The following ITGA8 variants were observed in gnomAD, a reference collection of about 807,000 sequenced individuals.
ITGA8 encodes the protein integrin alpha-8.
ITGA8 carries 91 observed loss-of-function variants against 142.3 expected under a neutral mutation model. That is an observed-to-expected ratio of 0.64 (90% CI 0.54 to 0.76). The LOEUF is 0.76. ITGA8 is among the 30% of genes least tolerant of loss of function. ITGA8 has a pLI of 0.00. For missense variants in ITGA8, 1,406 were observed against 1,327.7 expected, an observed-to-expected ratio of 1.06 and a Z score of -0.92; for synonymous variants, 505 against 485.2, an observed-to-expected ratio of 1.04 and a Z score of -0.54.
At chr10:15,620,419 C>T (rs977406590) in intron 13 of ITGA8, among the ~76,000 whole-genome samples, 8 of 152,250 alleles carry the variant, frequency 5.3e-5, no homozygotes, top group South Asian at 2.1e-4. Context: ...ACCCTCCCAA[C>T]GGTAATGAGA....
intron 18 of ITGA8, 141 bp downstream of exon 18, chr10:15,606,144 A>G: frequency 1.4e-6 from 1 of 710,096 alleles, no homozygotes. Context: ...TTCAGGAAAC[A>G]TGGTAGGAAA....
intron 9 of ITGA8, 115 bp from the exon 10 acceptor site, chr10:15,659,170 T>A: frequency 1.6e-6 from 1 of 607,060 alleles, no homozygotes; most frequent in Non-Finnish European, 2.8e-6. Context: ...AATGGTTAGC[T>A]AAATGTAAAA....
chr10:15,539,076 T>C (rs1833516407), intron 27 of ITGA8, among the ~76,000 whole-genome samples: 1 of 151,314 alleles, frequency 6.6e-6, no homozygotes, highest in African/African-American at 2.4e-5. Flanking sequence ...TATGCAAATA[T>C]ATAGGATATT....
At chr10:15,632,893 C>T (rs1421168936) in intron 13 of ITGA8, among the ~76,000 whole-genome samples, 1 of 152,170 alleles carries the variant, frequency 6.6e-6, no homozygotes, top group Non-Finnish European at 1.5e-5. Flanking sequence ...TGGACAGTCA[C>T]TGCTGGTCCT....
chr10:15,643,121 G>T (rs1833900121), intron 13 of ITGA8, among the ~76,000 whole-genome samples: 1 of 152,172 alleles, frequency 6.6e-6, no homozygotes, highest in Non-Finnish European at 1.5e-5. Flanking sequence ...CATATAGCAT[G>T]CACAATACAT....
intron 4 of ITGA8, 68 bp downstream of exon 4, chr10:15,683,936 C>G: frequency 6.3e-7 from 1 of 1,581,864 alleles, no homozygotes; most frequent in South Asian, 1.1e-5. Context: ...TTGAGCCTAC[C>G]TGCACTCCTG....
intron 4 of ITGA8, among the ~76,000 whole-genome samples, chr10:15,679,989 C>T (rs1019971535): frequency 2.0e-5 from 3 of 152,132 alleles, no homozygotes; most frequent in African/African-American, 7.2e-5. Flanking sequence ...ATAATTATTT[C>T]TTTCTTATCA....
intron 4 of ITGA8, among the ~76,000 whole-genome samples, chr10:15,679,993 C>G (rs1834705388): frequency 6.6e-6 from 1 of 152,116 alleles, no homozygotes; most frequent in African/African-American, 2.4e-5. Context: ...TTATTTCTTT[C>G]TTATCAAGGA....
At chr10:15,640,832 G>A (rs907108422) in intron 13 of ITGA8, among the ~76,000 whole-genome samples, 11 of 152,176 alleles carry the variant, frequency 7.2e-5, no homozygotes, top group African/African-American at 2.4e-4. Flanking sequence ...AGAGGGCCCA[G>A]GACACAGGGA....
chr10:15,614,003 T>C (rs1023966799), intron 14 of ITGA8, among the ~76,000 whole-genome samples: 1 of 152,114 alleles, frequency 6.6e-6, no homozygotes, highest in African/African-American at 2.4e-5. Flanking sequence ...AAGAGTGCTG[T>C]GGGTCTGTCA....
At chr10:15,653,824 CTTTTTTCTTTTTT>C (rs1184026207) in intron 11 of ITGA8, among the ~76,000 whole-genome samples, 1 of 44,572 alleles carries the variant, frequency 2.2e-5, no homozygotes, top group East Asian at 6.7e-4. Context: ...TTTTTCTTTT[CTTTTTTCTTTTTT>C]TTTTTTTTCT....
At chr10:15,642,387 A>G (rs1008967341) in intron 13 of ITGA8, among the ~76,000 whole-genome samples, 4 of 152,040 alleles carry the variant, frequency 2.6e-5, no homozygotes, top group African/African-American at 7.2e-5. Context: ...CTTTCTGTCA[A>G]TTTTCCTGGT....
chr10:15,561,326 G>A (rs1192689521), intron 25 of ITGA8, among the ~76,000 whole-genome samples: 4 of 150,436 alleles, frequency 2.7e-5, no homozygotes, highest in African/African-American at 9.8e-5. Flanking sequence ...CAGTAAACAG[G>A]TGGTAACACT....
rs1446932094 is a variant in ITGA8 at position 15,515,746 on chromosome 10, T to C, written c.*1412A>G. 6.6e-6 allele frequency: 1 copy of C among 152,216 alleles called. No homozygotes were observed. Among genetic ancestry groups the C allele is most frequent in the Non-Finnish European group, 1.5e-5 (1 of 68,036 alleles). 9.4% of individuals were successfully genotyped at this position (152,216 alleles called of 1,614,324 possible). ...GATACAAAATTGTGCAGACTACCTA[T>C]AAATTTGGCTGGTCAATTTTACTTC... On this transcript the variant is annotated 3_prime_UTR_variant, in exon 30 of 30. Transcript: ENST00000378076.
chr10:15,661,000 T>C (rs1834275957), intron 8 of ITGA8, 78 bp from the exon 9 acceptor site: 1 of 1,306,620 alleles, frequency 7.7e-7, no homozygotes, highest in Admixed American at 1.7e-5. Context: ...ATACTAAAAG[T>C]GGTAAAGACA....
chr10:15,519,212 A>G (rs1833012678), intron 29 of ITGA8, 78 bp downstream of exon 29: 5 of 1,536,936 alleles, frequency 3.3e-6, no homozygotes, highest in Non-Finnish European at 4.4e-6. Flanking sequence ...ATTGTCTTTT[A>G]AAATCCCTAA....
At chr10:15,528,506 CTTTTTT>C (rs35960573) in intron 28 of ITGA8, among the ~76,000 whole-genome samples, 2 of 127,230 alleles carry the variant, frequency 1.6e-5, no homozygotes, top group East Asian at 2.4e-4. Context: ...GATAAAAAGT[CTTTTTT>C]TTTTTTTTTT....
intron 2 of ITGA8, among the ~76,000 whole-genome samples, chr10:15,704,111 T>C (rs1000157841): frequency 4.6e-5 from 7 of 152,246 alleles, no homozygotes; most frequent in Non-Finnish European, 1.0e-4. Context: ...CATATTTCAA[T>C]GAGTCATCAA....
At chr10:15,579,611 A>G (rs927740264) in intron 23 of ITGA8, among the ~76,000 whole-genome samples, 3 of 152,098 alleles carry the variant, frequency 2.0e-5, no homozygotes, top group Non-Finnish European at 2.9e-5. Flanking sequence ...GAAAAGATAT[A>G]AAAATAAGAT....
Sources: allele counts gnomAD v4.1 joint callset (sites outside exome capture counted in the v4.1 genomes callset), GRCh38; gene constraint gnomAD v4.1.1; transcripts MANE v1.5; gene names NCBI Gene and HGNC (gene_info 2026-07-23, HGNC 2026-07-21).